The following AAAS variants were observed in gnomAD, a reference collection of about 807,000 sequenced individuals.
AAAS encodes the protein aladin WD repeat nucleoporin, also known as aladin.
A neutral mutation model predicts 75.6 loss-of-function variants in AAAS; 60 were observed. That is an observed-to-expected ratio of 0.79 (90% CI 0.64 to 0.98). The LOEUF (loss-of-function observed/expected upper bound fraction) is 0.98, where lower values mean the gene tolerates loss of function less well. Ranked by LOEUF, AAAS falls within the 50% of genes least tolerant of loss-of-function variation. AAAS has a pLI of 0.00. For synonymous variants in AAAS, 271 were observed against 265.0 expected, an observed-to-expected ratio of 1.02 and a Z score of -0.22; for missense variants, 658 against 686.9, an observed-to-expected ratio of 0.96 and a Z score of 0.47.
At chr12:53,309,934 A>T in intron 7 of AAAS, 1 of 697,890 alleles carries the variant, frequency 1.4e-6, no homozygotes. Flanking sequence ...GTCAACAGAG[A>T]AGAGGTAATC....
chr12:53,310,702 T>C (rs1427159598), intron 7 of AAAS, among the ~76,000 whole-genome samples: 1 of 152,204 alleles, frequency 6.6e-6, no homozygotes, highest in Non-Finnish European at 1.5e-5. Flanking sequence ...ACTACCTGAA[T>C]TAATGCCACC....
chr12:53,309,090 C>T (rs373652342), intron 9 of AAAS, 67 bp downstream of exon 9: 41 of 1,614,112 alleles, frequency 2.5e-5, no homozygotes, highest in Admixed American at 5.0e-5. Context: ...CCTCCCTTGA[C>T]AGAGCTTCCA....
intron 7 of AAAS, among the ~76,000 whole-genome samples, chr12:53,312,951 GGT>G (rs1944413237): frequency 6.6e-6 from 1 of 150,834 alleles, no homozygotes; most frequent in Non-Finnish European, 1.5e-5. Flanking sequence ...CCGCCTCCCA[GGT>G]TCAAGTGACT....
chr12:53,313,485 A>G (rs1944420344), intron 7 of AAAS, among the ~76,000 whole-genome samples: 2 of 151,970 alleles, frequency 1.3e-5, no homozygotes, highest in African/African-American at 4.8e-5. Flanking sequence ...TATTTTTAGC[A>G]GAGACGGGTT....
rs371844461 is a variant in AAAS at position 53,314,783 on chromosome 12, T to C, written c.513A>G (p.Leu171=). The part of the protein sequence containing the change: ...PHTNKFAVAL[L]DDSVRVYNAS... The stretch of plus-strand genomic sequence containing the variant: ...CATTATACACACGGACTGAGTCATC[T>C]AGCAGGGCCACTGCAAACTTGTTGG... The change falls in exon 6 of 16, where the codon CTA becomes CTG. Residue 171 remains leucine (L), a synonymous_variant. Transcript: ENST00000209873. 6.2e-7 allele frequency: 1 copy of C among 1,613,860 alleles called. No individual in the cohort carries two copies. Among genetic ancestry groups the C allele is most frequent in the African/African-American group, 1.3e-5 (1 of 75,030 alleles).
chr12:53,315,117 A>G lies in AAAS; in HGVS notation c.423T>C (p.Ala141=), dbSNP rs1224232519. Residue 141 remains alanine (A), a synonymous_variant, in exon 5 of 16, where the codon GCT becomes GCC. Transcript: ENST00000209873. ...ACCAATTTGTGACTTGGGCAAATTC[A>G]GCGATCAGATCTTCGCTCCTGAGCT... ...HLSLRSEDLI[A]EFAQVTNWSS... is the part of the protein sequence containing the mutation. The G allele has an allele frequency of 2.5e-6, 4 of 1,614,208 alleles. No homozygotes were observed. The highest frequency in any genetic ancestry group is 1.7e-5 in the Admixed American group (1 of 60,014).
rs779591035 is a variant in AAAS at position 53,309,653 on chromosome 12, G to A, written c.758C>T (p.Ala253Val). ...TGAGAGCAGCCGCCCCCCACTGGGGGCCCAGGCCAAGCTGGTAACAGGTGT... is the reference window on the plus strand; with the variant it reads ...TGAGAGCAGCCGCCCCCCACTGGGGACCCAGGCCAAGCTGGTAACAGGTGT... ...GHTPVTSLAWAPSGGRLLSAS... is the reference protein window; with the variant it reads ...GHTPVTSLAWVPSGGRLLSAS... Residue 253 changes from alanine to valine, a missense_variant, in exon 8 of 16, where the codon GCC becomes GTC. Ala to Val is a moderately conservative substitution (Grantham distance 64). Transcript: ENST00000209873. 12 of 1,613,472 alleles carry A rather than the reference G, an allele frequency of 7.4e-6. No homozygotes were observed. In the South Asian group the frequency reaches 9.9e-5, roughly 13 times the overall value.
chr12:53,310,084 T>A (rs1010194094), intron 7 of AAAS, among the ~76,000 whole-genome samples: 22 of 152,190 alleles, frequency 1.4e-4, no homozygotes, highest in Admixed American at 1.2e-3. Flanking sequence ...CCACAGGCCA[T>A]CCAGCCTGGC....
chr12:53,312,138 G>A (rs1199861024), intron 7 of AAAS, among the ~76,000 whole-genome samples: 1 of 149,796 alleles, frequency 6.7e-6, no homozygotes, highest in Non-Finnish European at 1.5e-5. Flanking sequence ...ACTTGAACCC[G>A]GGAGGCAGAG....
intron 2 of AAAS, among the ~76,000 whole-genome samples, chr12:53,316,328 T>C (rs1944460037): frequency 1.3e-5 from 2 of 151,430 alleles, no homozygotes; most frequent in Non-Finnish European, 1.5e-5. Context: ...TGCGTACCTG[T>C]AGTCCCAGCT....
At chr12:53,315,207 A>C in intron 4 of AAAS, 67 bp from the exon 5 acceptor site, 1 of 1,601,738 alleles carries the variant, frequency 6.2e-7, no homozygotes. Flanking sequence ...ATATTCCAAC[A>C]GGGGAGCTGG....
chr12:53,314,479 A>G, intron 6 of AAAS, 38 bp from the exon 7 acceptor site: 1 of 1,613,020 alleles, frequency 6.2e-7, no homozygotes, highest in Non-Finnish European at 8.5e-7. Context: ...CAAGGCAGGA[A>G]CACTAAGGCT....
chr12:53,309,868 G>T, intron 7 of AAAS, 147 bp from the exon 8 acceptor site: 13 of 1,243,762 alleles, frequency 1.0e-5, no homozygotes, highest in African/African-American at 3.1e-5. Flanking sequence ...TAAGGATTGT[G>T]AAAGTTAAAA....
chr12:53,320,813 T>C, intron 1 of AAAS, 121 bp from the exon 2 acceptor site: 1 of 1,186,018 alleles, frequency 8.4e-7, no homozygotes, highest in Non-Finnish European at 1.2e-6. Context: ...TGTTTCCCAT[T>C]TCCACAAAGC....
chr12:53,320,761 T>G (rs1345792401), intron 1 of AAAS, 69 bp from the exon 2 acceptor site: 3 of 1,567,850 alleles, frequency 1.9e-6, no homozygotes, highest in African/African-American at 2.7e-5. Context: ...CCGTGCCATC[T>G]CCAACCCACC....
At position 53,321,084 on chromosome 12, in the gene AAAS, G is replaced by A. The variant is rs4759021; in HGVS notation, c.123+259C>T. 0.25 allele frequency: 149,152 copies of A among 588,648 alleles called. 22,966 individuals carry two copies. The highest frequency in any genetic ancestry group is 0.33 in the Non-Finnish European group (110,584 of 339,756). 36.5% of individuals were successfully genotyped at this position (588,648 alleles called of 1,614,324 possible). On this transcript the variant is annotated intron_variant, in intron 1 of 15. Transcript: ENST00000209873. ...TCCCCAACTTTTAGATAGTTCTCCC[G>A]CATCCTCACACTCCCTAGATTCTCC...
Position 53,321,528 on chromosome 12 carries a change from T to G in AAAS, c.-63A>C. On this transcript the variant is annotated 5_prime_UTR_variant, in exon 1 of 16. Transcript: ENST00000209873. ...CTGGCCGGAACGGCACAGACCGCAC[T>G]CCCGCAACTCGGTTCCCGGGCTAGA... 6.2e-7 allele frequency: 1 copy of G among 1,610,288 alleles called. No homozygotes were observed. Among genetic ancestry groups the G allele is most frequent in the Non-Finnish European group, 8.5e-7 (1 of 1,179,566 alleles).
intron 5 of AAAS, 103 bp from the exon 6 acceptor site, chr12:53,314,952 T>C: frequency 1.3e-6 from 2 of 1,488,328 alleles, no homozygotes; most frequent in Non-Finnish European, 1.9e-6. Context: ...CTACTTTTTC[T>C]TGTATTCTTT....
chr12:53,318,243 TGC>T lies in AAAS; in HGVS notation c.251+2320_251+2321del, dbSNP rs1555191413. On this transcript the variant is annotated intron_variant, in intron 2 of 15. Transcript: ENST00000209873. ...GTTTCAGTGTGTGTGTGTGTGTGTG[TGC>T]GTGTGTGTGTGTGTGTGTGTGTGTG... Among the ~76,000 whole-genome samples, 166 of 119,064 alleles carry T rather than the reference TGC, an allele frequency of 1.4e-3. 4 individuals are homozygous for T. The highest frequency in any genetic ancestry group is 4.6e-3 in the African/African-American group (145 of 31,362). 78.1% of individuals were successfully genotyped at this position (119,064 alleles called of 152,430 possible).
Sources: gnomAD v4.1 joint callset for allele counts (sites outside exome capture counted in the v4.1 genomes callset) on GRCh38, gnomAD v4.1.1 for gene constraint, MANE v1.5 for transcripts, NCBI Gene and HGNC (gene_info 2026-07-23, HGNC 2026-07-21) for gene names.